Variants in ERICH1 observed in about 807,000 individuals in gnomAD.
ERICH1 encodes glutamate rich 1, also known as glutamate-rich protein 1.
ERICH1 carries 56 observed loss-of-function variants against 39.6 expected under a neutral mutation model. The observed-to-expected ratio is 1.41, with a 90% confidence interval of 1.14 to 1.77. The LOEUF (loss-of-function observed/expected upper bound fraction) is 1.77. Among genes scored for constraint, ERICH1 ranks in the 40% most tolerant of loss-of-function variants. The pLI is 0.00. For synonymous variants in ERICH1, 313 were observed against 223.6 expected, an observed-to-expected ratio of 1.40 and a Z score of -3.57; for missense variants, 826 against 575.4, an observed-to-expected ratio of 1.44 and a Z score of -4.45.
chr8:658,698 C>G (rs567469906), intron 3 of ERICH1, among the ~76,000 whole-genome samples: 1 of 152,156 alleles, frequency 6.6e-6, no homozygotes, highest in African/African-American at 2.4e-5. Context: ...GGACAAGACC[C>G]TAGAGATGCC....
intron 2 of ERICH1, among the ~76,000 whole-genome samples, chr8:699,913 G>A (rs1278968215): frequency 7.6e-6 from 1 of 132,304 alleles, no homozygotes; most frequent in Non-Finnish European, 1.6e-5. Flanking sequence ...CCGCACAGGC[G>A]CACAGGCCCG....
intron 3 of ERICH1, among the ~76,000 whole-genome samples, chr8:685,696 G>A (rs560574627): frequency 8.4e-4 from 128 of 152,262 alleles, no homozygotes; most frequent in African/African-American, 2.9e-3. Context: ...TCCGTTCGGG[G>A]TCCCTGACTT....
At chr8:703,983 G>A (rs1812723701) in intron 2 of ERICH1, among the ~76,000 whole-genome samples, 2 of 152,144 alleles carry the variant, frequency 1.3e-5, no homozygotes, top group Admixed American at 1.3e-4. Flanking sequence ...AAGGCCAGAA[G>A]CAGAACCTCA....
At chr8:661,344 T>C (rs1396400921), downstream of ERICH1, among the ~76,000 whole-genome samples, 1 of 152,116 alleles carries the variant, frequency 6.6e-6, no homozygotes, top group Non-Finnish European at 1.5e-5. Flanking sequence ...CAGCTGGGCC[T>C]GGGAAACAAA....
chr8:622,519 T>G (rs544428561), intron 3 of ERICH1, among the ~76,000 whole-genome samples: 1 of 152,346 alleles, frequency 6.6e-6, no homozygotes, highest in Admixed American at 6.5e-5. Context: ...GACGTGATCT[T>G]GGACTGTCCA....
At chr8:712,175 C>T (rs987645988) in intron 2 of ERICH1, among the ~76,000 whole-genome samples, 2 of 152,138 alleles carry the variant, frequency 1.3e-5, no homozygotes, top group African/African-American at 4.8e-5. Context: ...TTATCAATAT[C>T]CACAAAATAA....
In ERICH1 at chr8:681,809, G is replaced by A. The variant is rs537336299; in HGVS notation, c.305-7762C>T. ...CCCGGCTGAGCCTTCGTCAGGCTCC[G>A]GAACCTCCTCTGAGGCCCACCTGTG... On this transcript the variant is annotated intron_variant, in intron 3 of 5. Coordinates refer to ENST00000262109, the MANE Select transcript of ERICH1 (RefSeq NM_207332.3). 3.3e-5 allele frequency among the ~76,000 whole-genome samples: 5 copies of A among 152,282 alleles called. No individual in the cohort carries two copies. The South Asian group carries it at 6.2e-4, about 19-fold the overall frequency.
intron 3 of ERICH1, among the ~76,000 whole-genome samples, chr8:623,828 T>C (rs1287503913): frequency 1.3e-5 from 2 of 152,216 alleles, no homozygotes; most frequent in Non-Finnish European, 2.9e-5. Context: ...TAAGTCTTCA[T>C]GACCTTGGAT....
chr8:707,925 C>A (rs530342349), intron 2 of ERICH1, among the ~76,000 whole-genome samples: 1 of 152,234 alleles, frequency 6.6e-6, no homozygotes, highest in South Asian at 2.1e-4. Context: ...GGAGGATGTA[C>A]AACCAATTCC....
At chr8:710,365 G>A (rs1398552229) in intron 2 of ERICH1, among the ~76,000 whole-genome samples, 2 of 144,110 alleles carry the variant, frequency 1.4e-5, no homozygotes, top group Admixed American at 6.9e-5. Context: ...GGCATCGTAC[G>A]GGGCGGTTTC....
chr8:703,915 C>A (rs2132229875), intron 2 of ERICH1, among the ~76,000 whole-genome samples: 1 of 152,290 alleles, frequency 6.6e-6, no homozygotes, highest in East Asian at 1.9e-4. Context: ...ACTACGGAGG[C>A]CACGACAGAT....
At chr8:693,032 C>G (rs377765671) in intron 2 of ERICH1, among the ~76,000 whole-genome samples, 1 of 152,168 alleles carries the variant, frequency 6.6e-6, no homozygotes, top group East Asian at 1.9e-4. Flanking sequence ...TCCACACGTG[C>G]TAACAACATG....
chr8:674,644 C>G (rs533569717), intron 3 of ERICH1, among the ~76,000 whole-genome samples: 2 of 152,224 alleles, frequency 1.3e-5, no homozygotes, highest in African/African-American at 2.4e-5. Flanking sequence ...TTCTATGGGC[C>G]TTTCCCTCTA....
intron 2 of ERICH1, among the ~76,000 whole-genome samples, chr8:699,325 G>A (rs923769437): frequency 2.6e-5 from 4 of 152,180 alleles, no homozygotes; most frequent in African/African-American, 7.2e-5. Flanking sequence ...GGACAGAAGA[G>A]TGGACGCCAC....
chr8:730,780 G>A (rs1239234542), intron 1 of ERICH1, among the ~76,000 whole-genome samples: 3 of 152,198 alleles, frequency 2.0e-5, no homozygotes, highest in African/African-American at 7.2e-5. Flanking sequence ...CCACCCCGGA[G>A]CCCTGGGCTA....
chr8:693,955 G>A (rs1563279425), intron 2 of ERICH1, among the ~76,000 whole-genome samples: 1 of 152,026 alleles, frequency 6.6e-6, no homozygotes, highest in Non-Finnish European at 1.5e-5. Flanking sequence ...CTCTCAAACT[G>A]TCCGACACTG....
intron 3 of ERICH1, among the ~76,000 whole-genome samples, chr8:657,113 A>G (rs1440963613): frequency 6.6e-6 from 1 of 152,236 alleles, no homozygotes; most frequent in African/African-American, 2.4e-5. Context: ...GTTGGTTGCA[A>G]TGTGGAATAT....
chr8:730,022 C>G (rs1164075183), intron 1 of ERICH1, among the ~76,000 whole-genome samples: 1 of 152,158 alleles, frequency 6.6e-6, no homozygotes, highest in African/African-American at 2.4e-5. Context: ...AGCTGACCGT[C>G]AGGTCTGCTC....
At chr8:642,000 A>C (rs1799043270) in intron 3 of ERICH1, among the ~76,000 whole-genome samples, 1 of 152,234 alleles carries the variant, frequency 6.6e-6, no homozygotes, top group East Asian at 1.9e-4. Context: ...CCTGCTCAGA[A>C]CAGTGGGAGA....
Sources: gnomAD v4.1 joint callset for allele counts (sites outside exome capture counted in the v4.1 genomes callset) on GRCh38, gnomAD v4.1.1 for gene constraint, MANE v1.5 for transcripts, NCBI Gene and HGNC (gene_info 2026-07-23, HGNC 2026-07-21) for gene names.